The following CDK14 variants were observed in gnomAD, a reference collection of about 807,000 sequenced individuals.
The protein encoded by CDK14 is cyclin-dependent kinase 14.
Under a neutral mutation model 60.7 loss-of-function variants are expected in CDK14, and 34 were observed. The observed-to-expected ratio is 0.56, with a 90% confidence interval of 0.43 to 0.75. The LOEUF (loss-of-function observed/expected upper bound fraction) is 0.75, where lower values mean the gene tolerates loss of function less well. CDK14 is among the 30% of genes least tolerant of loss of function. The probability of loss-of-function intolerance (pLI) is 0.00; values close to 1 mark genes in which losing one functional copy is unlikely to be tolerated. For synonymous variants in CDK14, 197 were observed against 203.7 expected, an observed-to-expected ratio of 0.97 and a Z score of 0.28; for missense variants, 482 against 564.1, an observed-to-expected ratio of 0.85 and a Z score of 1.47.
chr7:91,149,849 G>A (rs1002802912), intron 14 of CDK14, among the ~76,000 whole-genome samples: 2 of 152,108 alleles, frequency 1.3e-5, no homozygotes, highest in African/African-American at 4.8e-5. Context: ...TACTGACCCT[G>A]TGCATCCAAA....
At chr7:90,631,054 A>C (rs1288506216) in intron 2 of CDK14, among the ~76,000 whole-genome samples, 9 of 152,186 alleles carry the variant, frequency 5.9e-5, no homozygotes, top group African/African-American at 1.4e-4. Context: ...TACTATCAAA[A>C]GGTGGTGGTA....
intron 8 of CDK14, among the ~76,000 whole-genome samples, chr7:90,934,877 A>G (rs62468475): frequency 0.035 from 5,280 of 152,340 alleles, 116 homozygotes; most frequent in South Asian, 0.071. Context: ...AATTCAACAA[A>G]TATAGAATTA....
intron 14 of CDK14, among the ~76,000 whole-genome samples, chr7:91,204,135 G>A (rs1019366668): frequency 6.6e-6 from 1 of 152,188 alleles, no homozygotes; most frequent in Admixed American, 6.5e-5. Context: ...CTGTTGGGAT[G>A]TAGAGGTAGC....
At chr7:90,617,411 C>G (rs1480088843) in intron 2 of CDK14, among the ~76,000 whole-genome samples, 1 of 151,874 alleles carries the variant, frequency 6.6e-6, no homozygotes, top group Non-Finnish European at 1.5e-5. Context: ...AAACAAAGTT[C>G]TTACAAAGAA....
At chr7:90,895,110 G>T (rs1792253454) in intron 6 of CDK14, among the ~76,000 whole-genome samples, 1 of 152,008 alleles carries the variant, frequency 6.6e-6, no homozygotes, top group Non-Finnish European at 1.5e-5. Flanking sequence ...GTTATTTGAA[G>T]ATTCGGAGCA....
At chr7:90,600,698 T>C (rs1354092860) in intron 1 of CDK14, among the ~76,000 whole-genome samples, 1 of 152,256 alleles carries the variant, frequency 6.6e-6, no homozygotes, top group Non-Finnish European at 1.5e-5. Flanking sequence ...ATTTAACTGT[T>C]GTACCACATT....
intron 2 of CDK14, among the ~76,000 whole-genome samples, chr7:90,626,343 A>T (rs1034617718): frequency 1.5e-4 from 23 of 152,142 alleles, no homozygotes; most frequent in Admixed American, 1.5e-3. Flanking sequence ...CTTTGGGTAT[A>T]AATTTAGAGA....
intron 7 of CDK14, among the ~76,000 whole-genome samples, chr7:90,909,617 G>A (rs922914800): frequency 9.9e-5 from 15 of 152,054 alleles, no homozygotes; most frequent in African/African-American, 3.4e-4. Context: ...CTCATTGTGG[G>A]CACCTCCATA....
chr7:90,766,378 A>T (rs1401009899), intron 4 of CDK14, among the ~76,000 whole-genome samples: 1 of 152,208 alleles, frequency 6.6e-6, no homozygotes, highest in African/African-American at 2.4e-5. Context: ...TGTTTAGAAC[A>T]TTGTCTCACA....
Position 90,685,533 on chromosome 7 carries a change from T to C in CDK14, c.124-41034T>C, listed in dbSNP as rs541388290. Among the ~76,000 whole-genome samples, 28 of 152,106 alleles carry C rather than the reference T, an allele frequency of 1.8e-4. No homozygotes were observed. The South Asian group carries it at 5.6e-3, about 30-fold the overall frequency. ...TGTTCTGTCACCCAGGCTGGAGTGT[T>C]AGTGGCACTGTCATAGCTTACTGTA... On this transcript the variant is annotated intron_variant, in intron 2 of 14. Transcript: ENST00000380050.
intron 2 of CDK14, among the ~76,000 whole-genome samples, chr7:90,642,855 A>C (rs1327316244): frequency 6.6e-6 from 1 of 152,116 alleles, no homozygotes; most frequent in African/African-American, 2.4e-5. Context: ...TTAAACCTCC[A>C]TTTGTTTCCT....
At chr7:90,975,665 T>G (rs1351395589) in intron 9 of CDK14, among the ~76,000 whole-genome samples, 7 of 152,120 alleles carry the variant, frequency 4.6e-5, no homozygotes, top group Admixed American at 2.6e-4. Context: ...TTTTGTGTCT[T>G]TTAGCAAATC....
intron 2 of CDK14, among the ~76,000 whole-genome samples, chr7:90,649,351 T>TC (rs1294773242): frequency 1.8e-5 from 1 of 54,074 alleles, no homozygotes; most frequent in African/African-American, 1.2e-4. Flanking sequence ...CTTCCTTCCT[T>TC]CCTTCCTTCC....
chr7:90,698,814 C>G (rs1395214628), intron 2 of CDK14, among the ~76,000 whole-genome samples: 1 of 152,150 alleles, frequency 6.6e-6, no homozygotes, highest in Non-Finnish European at 1.5e-5. Context: ...TGTCACCTTT[C>G]TAATCTGTTT....
intron 4 of CDK14, among the ~76,000 whole-genome samples, chr7:90,768,804 T>C (rs961091731): frequency 2.6e-5 from 4 of 152,234 alleles, no homozygotes; most frequent in Non-Finnish European, 4.4e-5. Flanking sequence ...CAATAAATGA[T>C]ATGTTTCCTT....
intron 10 of CDK14, among the ~76,000 whole-genome samples, chr7:91,016,424 A>G (rs1033138154): frequency 5.3e-5 from 8 of 152,124 alleles, no homozygotes; most frequent in African/African-American, 1.9e-4. Context: ...TCAAGCCATT[A>G]TCCTAGGTGG....
At chr7:91,005,128 A>C (rs1157308480) in intron 10 of CDK14, among the ~76,000 whole-genome samples, 2 of 152,156 alleles carry the variant, frequency 1.3e-5, no homozygotes, top group African/African-American at 4.8e-5. Context: ...GCATTAGCTC[A>C]CTGGTGGCTT....
At chr7:90,661,371 C>T (rs1457484248) in intron 2 of CDK14, among the ~76,000 whole-genome samples, 1 of 152,158 alleles carries the variant, frequency 6.6e-6, no homozygotes, top group African/African-American at 2.4e-5. Flanking sequence ...ATTGCACCCT[C>T]TGGAATTTTG....
At chr7:91,171,434 A>G (rs964845190) in intron 14 of CDK14, among the ~76,000 whole-genome samples, 1 of 152,216 alleles carries the variant, frequency 6.6e-6, no homozygotes, top group African/African-American at 2.4e-5. Flanking sequence ...GTGTTGTTAT[A>G]TGAACTAAAA....
Sources: allele counts gnomAD v4.1 joint callset (sites outside exome capture counted in the v4.1 genomes callset), GRCh38; gene constraint gnomAD v4.1.1; transcripts MANE v1.5; gene names NCBI Gene and HGNC (gene_info 2026-07-23, HGNC 2026-07-21).